CLDN16: variants seen among roughly 807,000 people sequenced by gnomAD.
CLDN16 encodes the protein claudin 16.
A neutral mutation model predicts 24.6 loss-of-function variants in CLDN16; 13 were observed. The ratio of observed to expected loss-of-function variants is 0.53; its 90% CI spans 0.34 to 0.84. The LOEUF is 0.84. CLDN16 is among the 40% of genes least tolerant of loss of function. CLDN16 has a pLI of 0.01. For synonymous variants in CLDN16, 116 were observed against 106.7 expected, an observed-to-expected ratio of 1.09 and a Z score of -0.54; for missense variants, 298 against 292.7, an observed-to-expected ratio of 1.02 and a Z score of -0.13.
chr3:190,352,904 T>C (rs1371844337), intron 1 of CLDN16, among the ~76,000 whole-genome samples: 5 of 152,092 alleles, frequency 3.3e-5, no homozygotes, highest in Admixed American at 2.0e-4. Context: ...CATATTTCCC[T>C]TTCCTCATTT....
intron 1 of CLDN16, among the ~76,000 whole-genome samples, chr3:190,351,925 T>G (rs910571679): frequency 4.6e-5 from 7 of 152,122 alleles, no homozygotes; most frequent in Non-Finnish European, 1.5e-5. Flanking sequence ...TGGACCATTT[T>G]CTCCCAGATA....
At chr3:190,344,807 G>A in intron 1 of CLDN16, among the ~76,000 whole-genome samples, 1 of 152,130 alleles carries the variant, frequency 6.6e-6, no homozygotes, top group East Asian at 1.9e-4. Flanking sequence ...AGCTGTAAAA[G>A]GGGGTCTTCT....
upstream of CLDN16, among the ~76,000 whole-genome samples, chr3:190,386,663 C>T (rs183951158): frequency 1.2e-4 from 19 of 152,176 alleles, no homozygotes; most frequent in East Asian, 3.5e-3. Context: ...TTTTGCAGAC[C>T]ATGATTAACC....
chr3:190,400,659 T>G (rs2108668578), intron 1 of CLDN16, among the ~76,000 whole-genome samples: 1 of 152,362 alleles, frequency 6.6e-6, no homozygotes, highest in East Asian at 1.9e-4. Context: ...ATTTCATTTT[T>G]TAAATTGTTA....
chr3:190,298,319 T>C, the CLDN16 span, among the ~76,000 whole-genome samples: 1 of 149,550 alleles, frequency 6.7e-6, no homozygotes, highest in Non-Finnish European at 1.5e-5. Context: ...GCCTTTTCTT[T>C]ACAATAGTTT....
At chr3:190,356,632 T>G (rs1717780646) in intron 1 of CLDN16, among the ~76,000 whole-genome samples, 1 of 151,916 alleles carries the variant, frequency 6.6e-6, no homozygotes, top group Non-Finnish European at 1.5e-5. Flanking sequence ...AGCTGGCATT[T>G]AAAAGCAGTA....
chr3:190,353,076 T>C (rs1717701996), intron 1 of CLDN16, among the ~76,000 whole-genome samples: 1 of 152,124 alleles, frequency 6.6e-6, no homozygotes, highest in Non-Finnish European at 1.5e-5. Flanking sequence ...GTAAGTGATT[T>C]TGTAAAATGG....
At chr3:190,337,544 A>G (rs183342991) in intron 1 of CLDN16, among the ~76,000 whole-genome samples, 1 of 152,322 alleles carries the variant, frequency 6.6e-6, no homozygotes, top group Admixed American at 6.5e-5. Flanking sequence ...TCCTCTCACC[A>G]AAGCTCATAT....
At chr3:190,301,850 G>C in the CLDN16 span, among the ~76,000 whole-genome samples, 5 of 151,878 alleles carry the variant, frequency 3.3e-5, no homozygotes. Context: ...ATCTACTTAC[G>C]GTCTATTTTT....
intron 1 of CLDN16, among the ~76,000 whole-genome samples, chr3:190,333,531 CATCTATCTATCTATCTATCT>C (rs71947568): frequency 2.9e-4 from 41 of 143,680 alleles, no homozygotes; most frequent in Admixed American, 7.0e-4. Flanking sequence ...ATCAGTCTAT[CATCTATCTATCTATCTATCT>C]ATCTATCTAT....
In CLDN16 at chr3:190,402,371, G is replaced by A. The variant is rs149965853; in HGVS notation, c.149G>A (p.Cys50Tyr). The change falls in exon 2 of 5, where the codon TGC becomes TAC. Residue 50 changes from cysteine (C) to tyrosine (Y), a missense_variant. By Grantham distance (194) the Cys-to-Tyr change is radical (BLOSUM62 -2). Transcript: ENST00000264734. ...STKCRGLWWE[C>Y]VTNAFDGIRT... is the part of the protein sequence containing the mutation. The stretch of plus-strand genomic sequence containing the variant: ...AAATGCCGAGGCCTCTGGTGGGAAT[G>A]CGTCACAAATGCTTTTGATGGGATT... 8.1e-6 allele frequency: 13 copies of A among 1,614,018 alleles called. No homozygotes were observed. The Admixed American group carries it at 2.0e-4, about 25-fold the overall frequency.
upstream of CLDN16, among the ~76,000 whole-genome samples, chr3:190,387,028 C>T (rs1429273826): frequency 6.6e-6 from 1 of 152,098 alleles, no homozygotes. Flanking sequence ...GTAATTACCT[C>T]TTTCTGGCCT....
intron 1 of CLDN16, among the ~76,000 whole-genome samples, chr3:190,365,613 G>A (rs1718004359): frequency 6.7e-6 from 1 of 150,218 alleles, no homozygotes; most frequent in African/African-American, 2.5e-5. Flanking sequence ...CCTTGACCAA[G>A]TATTAAATCT....
At chr3:190,353,714 T>C (rs1397932058) in intron 1 of CLDN16, among the ~76,000 whole-genome samples, 1 of 152,112 alleles carries the variant, frequency 6.6e-6, no homozygotes, top group African/African-American at 2.4e-5. Flanking sequence ...GACCTTTCTG[T>C]ATCATCATTT....
rs77239424 is a variant in CLDN16, at chr3:190,323,664, A to G, written n.121+1003A>G. On this transcript the variant is annotated intron_variant and non_coding_transcript_variant, in intron 1 of 4. Transcript: ENST00000468220. ...AAAATAAGATATACCCTTATATACC[A>G]TGGCAACTGCTAGTTGGTGACAGAG... Among the ~76,000 whole-genome samples, 1,508 of 152,302 alleles carry G rather than the reference A, an allele frequency of 9.9e-3. 64 individuals carry two copies. The East Asian group carries it at 0.13, about 13-fold the overall frequency.
chr3:190,378,441 C>CTGATCACTCA (rs1577416515), intron 3 of CLDN16, among the ~76,000 whole-genome samples: 3 of 152,024 alleles, frequency 2.0e-5, no homozygotes, highest in Admixed American at 6.6e-5. Context: ...TCCCTGAGGG[C>CTGATCACTCA]TGATCACTCA....
intron 1 of CLDN16, among the ~76,000 whole-genome samples, chr3:190,362,149 C>T (rs946402749): frequency 6.6e-6 from 1 of 151,970 alleles, no homozygotes; most frequent in Non-Finnish European, 1.5e-5. Context: ...TATTAAACCT[C>T]TGCTCTCAAC....
the CLDN16 span, among the ~76,000 whole-genome samples, chr3:190,311,749 G>T: frequency 8.6e-5 from 13 of 150,976 alleles, no homozygotes; most frequent in African/African-American, 2.7e-4. Flanking sequence ...TAGATATAAA[G>T]ATATATATAT....
chr3:190,372,485 A>G (rs1718164116), intron 2 of CLDN16, among the ~76,000 whole-genome samples: 1 of 151,752 alleles, frequency 6.6e-6, no homozygotes, highest in Non-Finnish European at 1.5e-5. Context: ...CCCCCCCAAA[A>G]TAAAAATAAT....
Sources: gnomAD v4.1 joint callset for allele counts (sites outside exome capture counted in the v4.1 genomes callset) on GRCh38, gnomAD v4.1.1 for gene constraint, MANE v1.5 for transcripts, NCBI Gene and HGNC (gene_info 2026-07-23, HGNC 2026-07-21) for gene names.